The following MSRB3 variants were observed in gnomAD, a reference collection of about 807,000 sequenced individuals.
The protein encoded by MSRB3 is methionine-R-sulfoxide reductase B3.
Under a neutral mutation model 21.0 loss-of-function variants are expected in MSRB3, and 13 were observed. That is an observed-to-expected ratio of 0.62 (90% confidence interval 0.40 to 0.98). The LOEUF is 0.98. Ranked by LOEUF, MSRB3 falls within the 50% of genes least tolerant of loss-of-function variation. The probability of loss-of-function intolerance (pLI) is 0.00; values close to 1 mark genes in which losing one functional copy is unlikely to be tolerated. For missense variants in MSRB3, 199 were observed against 230.3 expected (o/e 0.86, Z 0.88); for synonymous variants, 87 against 88.6 (o/e 0.98, Z 0.10).
intron 4 of MSRB3, among the ~76,000 whole-genome samples, chr12:65,330,590 C>T (rs1164504592): frequency 6.6e-6 from 1 of 152,052 alleles, no homozygotes; most frequent in African/African-American, 2.4e-5. Flanking sequence ...GTCTTCCTCC[C>T]ATCTCCTCTA....
At chr12:65,306,945 C>T (rs1873689223) in intron 1 of MSRB3, 2 of 985,724 alleles carry the variant, frequency 2.0e-6, no homozygotes. Context: ...CCCAGGCTGC[C>T]TGGTACAGGA....
chr12:65,302,623 T>C (rs1435765179), intron 1 of MSRB3, among the ~76,000 whole-genome samples: 2 of 152,162 alleles, frequency 1.3e-5, no homozygotes, highest in African/African-American at 4.8e-5. Flanking sequence ...ATAGCCAGGA[T>C]TCTGTTTCTT....
At chr12:65,429,032 C>T (rs1316150960) in intron 5 of MSRB3, among the ~76,000 whole-genome samples, 5 of 152,080 alleles carry the variant, frequency 3.3e-5, no homozygotes, top group Non-Finnish European at 7.3e-5. Flanking sequence ...TCTTGTTTTA[C>T]CCTTGGCCTC....
At chr12:65,289,624 A>G (rs192624029) in intron 1 of MSRB3, among the ~76,000 whole-genome samples, 2 of 152,178 alleles carry the variant, frequency 1.3e-5, no homozygotes, top group Non-Finnish European at 2.9e-5. Context: ...AGTACATGTC[A>G]TGGGAGTTTG....
chr12:65,296,717 A>G (rs1245530916), intron 1 of MSRB3, among the ~76,000 whole-genome samples: 2 of 152,208 alleles, frequency 1.3e-5, no homozygotes, highest in Admixed American at 1.3e-4. Context: ...TTGTTCAGTG[A>G]TACTAAAACA....
chr12:65,369,068 T>A, intron 5 of MSRB3, 42 bp downstream of exon 5: 1 of 1,366,868 alleles, frequency 7.3e-7, no homozygotes, highest in Non-Finnish European at 1.0e-6. Flanking sequence ...ATATTTTATT[T>A]ACATTATTCT....
At chr12:65,291,470 A>G (rs190032603) in intron 1 of MSRB3, among the ~76,000 whole-genome samples, 66 of 151,442 alleles carry the variant, frequency 4.4e-4, no homozygotes, top group Non-Finnish European at 7.1e-4. Context: ...AAACATGTTT[A>G]AATATCTCTC....
intron 6 of MSRB3, among the ~76,000 whole-genome samples, chr12:65,455,221 T>A (rs74929449): frequency 0.028 from 4,162 of 149,306 alleles, 209 homozygotes; most frequent in African/African-American, 0.098. Context: ...GAACCTAACC[T>A]TCTGATGAAT....
intron 5 of MSRB3, among the ~76,000 whole-genome samples, chr12:65,392,632 A>T (rs1314393591): frequency 1.3e-5 from 2 of 152,182 alleles, no homozygotes; most frequent in Non-Finnish European, 2.9e-5. Context: ...AAGAAATGCG[A>T]TCCTCTCAAG....
At chr12:65,308,141 G>A (rs551804645) in intron 1 of MSRB3, among the ~76,000 whole-genome samples, 22 of 152,256 alleles carry the variant, frequency 1.4e-4, no homozygotes, top group Admixed American at 7.9e-4. Flanking sequence ...ACGTATTGGG[G>A]CATAAAACCT....
intron 5 of MSRB3, among the ~76,000 whole-genome samples, chr12:65,428,156 A>G (rs989201505): frequency 1.3e-5 from 2 of 152,068 alleles, no homozygotes; most frequent in Non-Finnish European, 2.9e-5. Flanking sequence ...GTGGCAAAAG[A>G]TATTGTTGTC....
At chr12:65,408,036 A>G (rs1040269112) in intron 5 of MSRB3, among the ~76,000 whole-genome samples, 5 of 150,942 alleles carry the variant, frequency 3.3e-5, no homozygotes, top group African/African-American at 7.3e-5. Flanking sequence ...TCTCTGTCCT[A>G]TCTGAGTCTG....
intron 1 of MSRB3, among the ~76,000 whole-genome samples, chr12:65,283,234 A>G (rs973534965): frequency 6.6e-6 from 1 of 152,158 alleles, no homozygotes; most frequent in Non-Finnish European, 1.5e-5. Context: ...CAACAGGTTG[A>G]AGTCTTTAAG....
At chr12:65,322,673 A>G (rs1364306523) in intron 2 of MSRB3, among the ~76,000 whole-genome samples, 1 of 151,502 alleles carries the variant, frequency 6.6e-6, no homozygotes, top group African/African-American at 2.4e-5. Context: ...AAAAAAAAAA[A>G]AAAAAAAAGA....
chr12:65,369,005 A>G lies in MSRB3; in HGVS notation c.271A>G (p.Thr91Ala). The G allele has an allele frequency of 6.6e-7, 1 of 1,524,408 alleles. No homozygotes were observed. Among genetic ancestry groups the G allele is most frequent in the Non-Finnish European group, 8.9e-7 (1 of 1,122,854 alleles). The allele number at this position is 1,524,408 out of a possible 1,614,324, so 94.4% of individuals were successfully genotyped here. Residue 91 changes from threonine (T) to alanine (A), a missense_variant, in exon 5 of 7, where the codon ACC (threonine) becomes GCC (alanine). Physicochemically the swap from Thr to Ala is moderately conservative, Grantham distance 58. Transcript: ENST00000308259. ...VCGTPLFKSE[T>A]KFDSGSGWPS... ...CTTTCTTTCTCTTTGCAGGTCAGAA[A>G]CCAAATTTGACTCCGGTTCAGGTAT...
intron 5 of MSRB3, among the ~76,000 whole-genome samples, chr12:65,428,330 G>A (rs1277445240): frequency 6.6e-6 from 1 of 151,576 alleles, no homozygotes; most frequent in Non-Finnish European, 1.5e-5. Context: ...TTGCTCCACT[G>A]TATTGTTGCA....
At chr12:65,422,648 A>T (rs1188008971) in intron 5 of MSRB3, among the ~76,000 whole-genome samples, 1 of 151,284 alleles carries the variant, frequency 6.6e-6, no homozygotes, top group African/African-American at 2.4e-5. Flanking sequence ...GGCTGTGGGT[A>T]GTATGAATAT....
At chr12:65,409,896 T>C (rs11610470) in intron 5 of MSRB3, among the ~76,000 whole-genome samples, 1 of 152,326 alleles carries the variant, frequency 6.6e-6, no homozygotes, top group South Asian at 2.1e-4. Context: ...CCATGCCTTG[T>C]TATAAACACT....
intron 5 of MSRB3, among the ~76,000 whole-genome samples, chr12:65,430,150 A>G (rs1881808444): frequency 6.6e-6 from 1 of 152,176 alleles, no homozygotes; most frequent in Admixed American, 6.5e-5. Flanking sequence ...CTTCAGGGTA[A>G]CAGTGAAGTG....
Sources: allele counts gnomAD v4.1 joint callset (sites outside exome capture counted in the v4.1 genomes callset), GRCh38; gene constraint gnomAD v4.1.1; transcripts MANE v1.5; gene names NCBI Gene and HGNC (gene_info 2026-07-23, HGNC 2026-07-21).